CCP110: variants seen among roughly 807,000 people sequenced by gnomAD.
The protein encoded by CCP110 is centriolar coiled-coil protein of 110 kDa.
Under a neutral mutation model 105.5 loss-of-function variants are expected in CCP110, and 43 were observed. The observed-to-expected ratio is 0.41, with a 90% CI of 0.32 to 0.53. CCP110 has a LOEUF of 0.53. CCP110 is among the 20% of genes least tolerant of loss of function. The probability of loss-of-function intolerance (pLI) is 0.32; values close to 1 mark genes in which losing one functional copy is unlikely to be tolerated. For missense variants in CCP110, 1,016 were observed against 1,189.1 expected (o/e 0.85, Z 2.14); for synonymous variants, 353 against 392.1 (o/e 0.90, Z 1.18).
At chr16:19,544,518 C>A (rs1241820105) in intron 8 of CCP110, among the ~76,000 whole-genome samples, 1 of 152,116 alleles carries the variant, frequency 6.6e-6, no homozygotes, top group Non-Finnish European at 1.5e-5. Flanking sequence ...AATATAACAA[C>A]TATTTACATA....
At chr16:19,529,107 G>A (rs1178940700) in intron 2 of CCP110, among the ~76,000 whole-genome samples, 1 of 152,150 alleles carries the variant, frequency 6.6e-6, no homozygotes, top group Non-Finnish European at 1.5e-5. Flanking sequence ...AAATGAATTC[G>A]TAGATATAAA....
At position 19,548,647 on chromosome 16, in the gene CCP110, C is replaced by A; in HGVS notation, c.2986+47C>A. ...GAAGCCCATTCAATAGAAGGAAGTG[C>A]ACAAGCTGCCCCATAACTCAGGCCA... On this transcript the variant is annotated intron_variant, in intron 14 of 14. Coordinates refer to ENST00000381396, the Ensembl canonical transcript of CCP110. This position sits in a 1 kb window ranked among gnomAD's most constrained non-coding sequence, Gnocchi z 4.1. The A allele has an allele frequency of 8.6e-7, 1 of 1,164,144 alleles. No individual in the cohort carries two copies. The highest frequency in any genetic ancestry group is 1.2e-6 in the Non-Finnish European group (1 of 806,524). 72.1% of individuals were successfully genotyped at this position (1,164,144 alleles called of 1,614,324 possible). A position where few individuals can be genotyped will look rare whatever the true frequency, so the allele number is the denominator to read the frequency against.
Position 19,548,899 on chromosome 16 carries a change from A to G in CCP110, c.2986+299A>G, listed in dbSNP as rs1970547326. On this transcript the variant is annotated intron_variant, in intron 14 of 14. Coordinates refer to ENST00000381396, the Ensembl canonical transcript of CCP110. The surrounding 1 kb of genome is among the most constrained non-coding windows in gnomAD (Gnocchi z 4.1). ...TTAATTCAGAAAACCTTTTTATTTA[A>G]TGAATAAAAGATAACGATCATCTCT... Among the ~76,000 whole-genome samples the G allele has an allele frequency of 6.6e-6, 1 of 152,190 alleles. No individual in the cohort carries two copies. The highest frequency in any genetic ancestry group is 6.5e-5 in the Admixed American group (1 of 15,274).
At chr16:19,542,954 T>C in exon 8 of CCP110, 1 of 1,611,594 alleles carries the variant, frequency 6.2e-7, no homozygotes, top group Non-Finnish European at 8.5e-7. Flanking sequence ...CGTAGACTTA[T>C]GCAGACAGAT....
At chr16:19,542,500 C>A in intron 6 of CCP110, 121 bp from the exon 7 acceptor site, 1 of 688,308 alleles carries the variant, frequency 1.5e-6, no homozygotes, top group Non-Finnish European at 2.4e-6. Flanking sequence ...TTTAAGTCGG[C>A]AGGTAGGTCA....
exon 4 of CCP110, chr16:19,536,505 A>T: frequency 6.2e-7 from 1 of 1,614,120 alleles, no homozygotes. Flanking sequence ...GAGAAAGGCC[A>T]GTTGACAGGC....
chr16:19,537,184 T>C, exon 4 of CCP110: 1 of 1,614,214 alleles, frequency 6.2e-7, no homozygotes, highest in Non-Finnish European at 8.5e-7. Context: ...CAAAGCTGCA[T>C]GAACCATATG....
chr16:19,532,470 G>T (rs1267791973), exon 3 of CCP110: 3 of 1,610,584 alleles, frequency 1.9e-6, no homozygotes, highest in Non-Finnish European at 2.5e-6. Context: ...AGCACTTGAT[G>T]TAGAAGCAAG....
chr16:19,532,485 C>A (rs1969906675), exon 3 of CCP110: 2 of 1,610,334 alleles, frequency 1.2e-6, no homozygotes, highest in Non-Finnish European at 1.7e-6. Context: ...AGCAAGAAAG[C>A]AGGTTAACAG....
intron 11 of CCP110, 31 bp from the exon 12 acceptor site, chr16:19,546,381 A>T: frequency 1.6e-6 from 2 of 1,263,204 alleles, no homozygotes; most frequent in Non-Finnish European, 2.3e-6. Context: ...TTCTCTAAAT[A>T]CATTATGTCC....
At chr16:19,542,635 G>A (rs1389660139) in exon 7 of CCP110, 1 of 1,611,288 alleles carries the variant, frequency 6.2e-7, no homozygotes, top group East Asian at 2.2e-5. Flanking sequence ...CACAAATTCT[G>A]CCATGCAATA....
chr16:19,534,510 G>A (rs1000081970), intron 3 of CCP110, among the ~76,000 whole-genome samples: 4 of 152,058 alleles, frequency 2.6e-5, no homozygotes, highest in African/African-American at 9.7e-5. Flanking sequence ...CATAGCTTCC[G>A]AATATCACAA....
At chr16:19,524,672 C>T (rs956886585) in intron 1 of CCP110, 2 of 152,218 alleles carry the variant, frequency 1.3e-5, no homozygotes, top group Admixed American at 1.3e-4. Flanking sequence ...TCCAAGCTCC[C>T]TACCCCCAGT....
chr16:19,525,936 A>G (rs1008258530), intron 1 of CCP110: 3 of 152,664 alleles, frequency 2.0e-5, no homozygotes, highest in African/African-American at 7.2e-5. Flanking sequence ...AGATGGGGTC[A>G]TCAGGGATGC....
intron 2 of CCP110, among the ~76,000 whole-genome samples, chr16:19,530,067 C>T (rs1053707469): frequency 1.2e-4 from 18 of 151,576 alleles, no homozygotes; most frequent in Non-Finnish European, 1.8e-4. Context: ...TGTGGTGGCG[C>T]GCACCAGGAG....
chr16:19,533,813 T>G (rs1462692547), intron 3 of CCP110, among the ~76,000 whole-genome samples: 1 of 152,164 alleles, frequency 6.6e-6, no homozygotes, highest in African/African-American at 2.4e-5. Flanking sequence ...AGAGTCTACC[T>G]GGGTAGATAG....
chr16:19,536,460 A>G (rs1252979583), exon 4 of CCP110: 1 of 1,614,068 alleles, frequency 6.2e-7, no homozygotes, highest in East Asian at 2.2e-5. Flanking sequence ...TTAGACAAAG[A>G]ACATGATGCT....
At chr16:19,546,739 C>T (rs559811029) in intron 12 of CCP110, 12 of 229,080 alleles carry the variant, frequency 5.2e-5, no homozygotes, top group African/African-American at 1.6e-4. Context: ...CGCTTGAACC[C>T]GGGAGGCAGA....
exon 10 of CCP110, chr16:19,545,170 A>G: frequency 6.2e-7 from 1 of 1,610,566 alleles, no homozygotes; most frequent in Non-Finnish European, 8.5e-7. Flanking sequence ...ATTCTACATC[A>G]TGATCGAGAA....
Sources: gnomAD v4.1 joint callset for allele counts (sites outside exome capture counted in the v4.1 genomes callset) on GRCh38, gnomAD v4.1.1 for gene constraint, Gnocchi (gnomAD v3.1) non-coding constraint, MANE v1.5 for transcripts, NCBI Gene and HGNC (gene_info 2026-07-23, HGNC 2026-07-21) for gene names.